Variants in CTDSP2 observed in about 807,000 individuals in gnomAD.
CTDSP2 encodes the protein carboxy-terminal domain RNA polymerase II polypeptide A small phosphatase 2.
Under a neutral mutation model 31.6 loss-of-function variants are expected in CTDSP2, and 9 were observed. The ratio of observed to expected loss-of-function variants is 0.28; its 90% CI spans 0.17 to 0.50. The LOEUF (loss-of-function observed/expected upper bound fraction) is 0.50, where lower values mean the gene tolerates loss of function less well. Ranked by LOEUF, CTDSP2 falls within the 20% of genes least tolerant of loss-of-function variation. CTDSP2 has a pLI of 0.98. For missense variants in CTDSP2, 267 were observed against 348.5 expected, an observed-to-expected ratio of 0.77 and a Z score of 1.86; for synonymous variants, 134 against 134.5, an observed-to-expected ratio of 1.00 and a Z score of 0.03.
At chr12:57,832,922 C>T (rs1394037706) in intron 1 of CTDSP2, among the ~76,000 whole-genome samples, 1 of 151,964 alleles carries the variant, frequency 6.6e-6, no homozygotes, top group Admixed American at 6.6e-5. Flanking sequence ...CCCCACCTTG[C>T]CTGCATGGCT....
chr12:57,844,930 C>T (rs776640408), intron 1 of CTDSP2, among the ~76,000 whole-genome samples: 2 of 143,878 alleles, frequency 1.4e-5, no homozygotes, highest in Non-Finnish European at 3.1e-5. Flanking sequence ...CAGCTCCTCT[C>T]GTTCCACTGA....
At position 57,820,936 on chromosome 12, in the gene CTDSP2, G is replaced by C. The variant is rs1565842138; in HGVS notation, c.*2666C>G. On this transcript the variant is annotated 3_prime_UTR_variant, in exon 8 of 8. Transcript: ENST00000398073. ...GGTAGGCAGATTCCTGGCATGGCTT[G>C]AATTGGTGCTGACCAGGCATGGTGG... 1 of 152,238 alleles carries C rather than the reference G, an allele frequency of 6.6e-6. No individual in the cohort carries two copies. Among genetic ancestry groups the C allele is most frequent in the Non-Finnish European group, 1.5e-5 (1 of 68,074 alleles). The allele number at this position is 152,238 out of a possible 1,614,324, so 9.4% of individuals were successfully genotyped here. A position where few individuals can be genotyped will look rare whatever the true frequency, so the allele number is the denominator to read the frequency against.
intron 1 of CTDSP2, among the ~76,000 whole-genome samples, chr12:57,833,407 A>T (rs989443240): frequency 1.3e-5 from 2 of 152,170 alleles, no homozygotes; most frequent in Non-Finnish European, 2.9e-5. Context: ...AGTACCTCAG[A>T]CCCACAACAG....
intron 7 of CTDSP2, 87 bp downstream of exon 7, chr12:57,823,817 G>A: frequency 6.2e-7 from 1 of 1,608,808 alleles, no homozygotes. Flanking sequence ...GGTCTTCCTG[G>A]AGGGGTGTAC....
At chr12:57,833,595 C>CAGTG (rs1956229693) in intron 1 of CTDSP2, among the ~76,000 whole-genome samples, 1 of 152,238 alleles carries the variant, frequency 6.6e-6, no homozygotes, top group Non-Finnish European at 1.5e-5. Context: ...TACAATGGCC[C>CAGTG]CAACCCAGTG....
intron 1 of CTDSP2, among the ~76,000 whole-genome samples, chr12:57,838,981 G>A (rs1592242344): frequency 6.6e-6 from 1 of 152,234 alleles, no homozygotes; most frequent in Non-Finnish European, 1.5e-5. Flanking sequence ...TTCAGAGGTA[G>A]TAACAGGGCC....
At chr12:57,833,891 G>A (rs1393238324) in intron 1 of CTDSP2, among the ~76,000 whole-genome samples, 1 of 152,210 alleles carries the variant, frequency 6.6e-6, no homozygotes, top group Non-Finnish European at 1.5e-5. Context: ...GTCTGCGTTA[G>A]ACACTTGACA....
At chr12:57,837,691 A>AAAAT (rs1159978155) in intron 1 of CTDSP2, among the ~76,000 whole-genome samples, 15 of 152,204 alleles carry the variant, frequency 9.9e-5, no homozygotes, top group South Asian at 4.1e-4. Flanking sequence ...ACTCTGTCTC[A>AAAAT]AAATAAATAA....
chr12:57,833,113 A>G (rs1311200214), intron 1 of CTDSP2, among the ~76,000 whole-genome samples: 1 of 152,156 alleles, frequency 6.6e-6, no homozygotes, highest in Non-Finnish European at 1.5e-5. Flanking sequence ...TCCTGAAGAG[A>G]GGCCGTCAGG....
chr12:57,827,661 G>T, intron 2 of CTDSP2, 71 bp from the exon 3 acceptor site: 1 of 1,493,112 alleles, frequency 6.7e-7, no homozygotes, highest in Non-Finnish European at 9.3e-7. Context: ...CACTGCTTCT[G>T]TCTTAAGCCT....
At chr12:57,832,892 T>C (rs1405383064) in intron 1 of CTDSP2, among the ~76,000 whole-genome samples, 5 of 149,988 alleles carry the variant, frequency 3.3e-5, no homozygotes, top group Non-Finnish European at 4.4e-5. Context: ...TATGCTGAAA[T>C]TGGAGGGAAA....
At chr12:57,836,563 G>T (rs887202222) in intron 1 of CTDSP2, among the ~76,000 whole-genome samples, 9 of 152,148 alleles carry the variant, frequency 5.9e-5, no homozygotes, top group African/African-American at 1.7e-4. Flanking sequence ...AATCACCGGA[G>T]CCCAGGAGTT....
chr12:57,825,670 T>A (rs1446080555), intron 5 of CTDSP2, among the ~76,000 whole-genome samples: 1 of 152,228 alleles, frequency 6.6e-6, no homozygotes, highest in East Asian at 1.9e-4. Flanking sequence ...ATCCTTAACC[T>A]GGGACTGCCT....
At chr12:57,834,107 A>G (rs996517141) in intron 1 of CTDSP2, among the ~76,000 whole-genome samples, 5 of 152,228 alleles carry the variant, frequency 3.3e-5, no homozygotes, top group Non-Finnish European at 5.9e-5. Flanking sequence ...GGTCTCATAC[A>G]CATTTACTTA....
chr12:57,839,243 A>G (rs1215859271), intron 1 of CTDSP2, among the ~76,000 whole-genome samples: 1 of 152,210 alleles, frequency 6.6e-6, no homozygotes, highest in Non-Finnish European at 1.5e-5. Flanking sequence ...TCTAGAAGTC[A>G]GGAAACCCAG....
In CTDSP2 at chr12:57,829,432, A is replaced by C. The variant is rs573240164; in HGVS notation, c.213+16T>G. 6.2e-7 allele frequency: 1 copy of C among 1,609,670 alleles called. No individual in the cohort carries two copies. The highest frequency in any genetic ancestry group is 8.5e-7 in the Non-Finnish European group (1 of 1,176,478). ...GTCCCTTCATTGCTGGCATCTTACCACCCCAACCCACCTACCTTAGCAATG... is the reference window on the plus strand; with the variant it reads ...GTCCCTTCATTGCTGGCATCTTACCCCCCCAACCCACCTACCTTAGCAATG... On this transcript the variant is annotated intron_variant, in intron 2 of 7. Transcript: ENST00000398073.
At chr12:57,832,054 C>T in intron 1 of CTDSP2, among the ~76,000 whole-genome samples, 1 of 152,226 alleles carries the variant, frequency 6.6e-6, no homozygotes, top group Non-Finnish European at 1.5e-5. Flanking sequence ...GGATAAGGGA[C>T]TCAGCTCTGC....
chr12:57,824,015 C>T lies in CTDSP2; in HGVS notation c.579G>A (p.Val193=), dbSNP rs1956166532. 6.2e-7 allele frequency: 1 copy of T among 1,614,132 alleles called. No homozygotes were observed. Among genetic ancestry groups the T allele is most frequent in the Admixed American group, 1.7e-5 (1 of 60,016 alleles). ...CCTTGACGTAGCAGCCCTGGTGGAA[C>T]ACGCAAGACTCACGGAATAGGCGGG... is the stretch of plus-strand genomic sequence containing the variant. ...FRARLFRESC[V]FHQGCYVKDL... is the part of the protein sequence containing the mutation. Residue 193 remains valine, a synonymous_variant, in exon 7 of 8, where the codon GTG becomes GTA. Coordinates refer to ENST00000398073, the MANE Select transcript of CTDSP2 (RefSeq NM_005730.4).
intron 6 of CTDSP2, 41 bp from the exon 7 acceptor site, chr12:57,824,130 G>A: frequency 1.9e-6 from 3 of 1,611,876 alleles, no homozygotes; most frequent in Non-Finnish European, 2.5e-6. Flanking sequence ...TACACTCCTG[G>A]TCCTCCTGTA....
Sources: allele counts gnomAD v4.1 joint callset (sites outside exome capture counted in the v4.1 genomes callset), GRCh38; gene constraint gnomAD v4.1.1; transcripts MANE v1.5; gene names NCBI Gene and HGNC (gene_info 2026-07-23, HGNC 2026-07-21).